FAM177B: variants seen among roughly 807,000 people sequenced by gnomAD.
The protein encoded by FAM177B is family with sequence similarity 177 member B.
Under a neutral mutation model 16.1 loss-of-function variants are expected in FAM177B, and 16 were observed. That is an observed-to-expected ratio of 0.99 (90% CI 0.67 to 1.51). The LOEUF (loss-of-function observed/expected upper bound fraction) is 1.51, where lower values mean the gene tolerates loss of function less well. Ranked by LOEUF, FAM177B falls within the 40% of genes most tolerant of loss-of-function variation. The probability of loss-of-function intolerance (pLI) is 0.00; values close to 1 mark genes in which losing one functional copy is unlikely to be tolerated. For missense variants in FAM177B, 178 were observed against 183.7 expected (o/e 0.97, Z 0.18); for synonymous variants, 56 against 59.9 (o/e 0.93, Z 0.30).
intron 2 of FAM177B, chr1:222,742,430 C>T (rs1372140581): frequency 2.0e-5 from 3 of 151,008 alleles, no homozygotes; most frequent in East Asian, 1.9e-4. Flanking sequence ...TATCTAAAAC[C>T]ACACATAAAC....
intron 2 of FAM177B, chr1:222,739,904 T>C (rs1355316252): frequency 6.6e-6 from 1 of 152,260 alleles, no homozygotes; most frequent in Non-Finnish European, 1.5e-5. Context: ...ATGGCACTGA[T>C]AGTATTTATT....
intron 2 of FAM177B, 97 bp from the exon 3 acceptor site, chr1:222,746,434 C>T: frequency 4.6e-6 from 3 of 645,756 alleles, no homozygotes; most frequent in East Asian, 2.7e-5. Context: ...GGTGTGATTA[C>T]CTCTGAGTTC....
intron 2 of FAM177B, among the ~76,000 whole-genome samples, chr1:222,741,260 C>T (rs987904746): frequency 3.3e-5 from 5 of 151,560 alleles, no homozygotes; most frequent in African/African-American, 7.3e-5. Flanking sequence ...GACGGGTTTT[C>T]GCCATGTTGG....
At chr1:222,746,445 T>C (rs1658800303) in intron 2 of FAM177B, 86 bp from the exon 3 acceptor site, 2 of 709,368 alleles carry the variant, frequency 2.8e-6, no homozygotes, top group Non-Finnish European at 4.7e-6. Flanking sequence ...CTCTGAGTTC[T>C]CTGTCTTTAC....
In FAM177B at chr1:222,747,043, G is replaced by T; in HGVS notation, c.203G>T (p.Arg68Leu). The change falls in exon 4 of 6, where the codon CGA (arginine) becomes CTA (leucine). Residue 68 changes from arginine (R) to leucine (L), a missense_variant. Transcript: ENST00000445590. ...AAACTTTCCTGGGGGCCCTACCTAC[G>T]ATTTTGGGCAGGACGAATAGCAAGC... Reference protein sequence around the residue: ...PSKLSWGPYLRFWAGRIASTS... With the variant: ...PSKLSWGPYLLFWAGRIASTS... 3 of 1,612,364 alleles carry T rather than the reference G, an allele frequency of 1.9e-6. No homozygotes were observed. The highest frequency in any genetic ancestry group is 1.3e-5 in the African/African-American group (1 of 74,934).
At chr1:222,747,154 G>A (rs767835729) in intron 4 of FAM177B, 73 bp downstream of exon 4, 14 of 1,028,928 alleles carry the variant, frequency 1.4e-5, no homozygotes, top group Non-Finnish European at 2.2e-5. Context: ...GAGTATGTGG[G>A]ACTTCCAATT....
Position 222,746,624 on chromosome 1 carries a change from C to T in FAM177B, c.79C>T (p.His27Tyr). The T allele has an allele frequency of 3.1e-6, 5 of 1,612,306 alleles. No individual in the cohort carries two copies. The highest frequency in any genetic ancestry group is 4.2e-6 in the Non-Finnish European group (5 of 1,178,416). Residue 27 changes from histidine (H) to tyrosine (Y), a missense_variant, in exon 3 of 6, where the codon CAT (histidine) becomes TAT (tyrosine). His to Tyr is a moderately conservative substitution (Grantham distance 83, BLOSUM62 2). Transcript: ENST00000445590. ...AAAGACTACTCCTAAAAGGATTATC[C>T]ATTTTGTTGACGGAGACATCATGGA... ...SKKTTPKRII[H>Y]FVDGDIMEEY...
intron 2 of FAM177B, among the ~76,000 whole-genome samples, chr1:222,740,112 C>T (rs552363989): frequency 1.3e-5 from 2 of 152,292 alleles, no homozygotes; most frequent in South Asian, 4.1e-4. Context: ...AGGGCAGATA[C>T]CACATCACCT....
intron 2 of FAM177B, among the ~76,000 whole-genome samples, chr1:222,741,248 T>C (rs925038714): frequency 6.6e-6 from 1 of 151,436 alleles, no homozygotes; most frequent in African/African-American, 2.4e-5. Flanking sequence ...TTTTTTAGTA[T>C]AGACGGGTTT....
At chr1:222,746,504 T>C (rs1658802155) in intron 2 of FAM177B, 27 bp from the exon 3 acceptor site, 1 of 1,420,144 alleles carries the variant, frequency 7.0e-7, no homozygotes, top group Non-Finnish European at 9.7e-7. Context: ...TAACTTGCCC[T>C]AAGGTGCCCT....
At position 222,750,596 on chromosome 1, in the gene FAM177B, C is replaced by A; in HGVS notation, c.*538C>A. Reference sequence around the variant, plus strand: ...AATAACTGTGTTACAAGATCATTATCAAGATCTTTAAGAATTAGGTACATC... The same window carrying A: ...AATAACTGTGTTACAAGATCATTATAAAGATCTTTAAGAATTAGGTACATC... On this transcript the variant is annotated 3_prime_UTR_variant, in exon 6 of 6. Transcript: ENST00000445590. The A allele has an allele frequency of 3.3e-6, 3 of 922,000 alleles. No homozygotes were observed. Among genetic ancestry groups the A allele is most frequent in the Non-Finnish European group, 3.9e-6 (3 of 772,388 alleles). The allele number at this position is 922,000 out of a possible 1,614,324, so 57.1% of individuals were successfully genotyped here. A position where few individuals can be genotyped will look rare whatever the true frequency, so the allele number is the denominator to read the frequency against.
rs1215990644 is a variant in FAM177B, at chr1:222,746,612, A to G, written c.67A>G (p.Lys23Glu). Reference protein sequence around the residue: ...KSVPSKKTTPKRIIHFVDGDI... With the variant: ...KSVPSKKTTPERIIHFVDGDI... ...TGTACCTTCCAAAAAGACTACTCCT[A>G]AAAGGATTATCCATTTTGTTGACGG... The change falls in exon 3 of 6, where the codon AAA becomes GAA. Residue 23 changes from lysine to glutamate, a missense_variant. By Grantham distance (56) the Lys-to-Glu change is moderately conservative. Transcript: ENST00000445590. 3.7e-6 allele frequency: 6 copies of G among 1,611,248 alleles called. No homozygotes were observed. The South Asian group carries it at 4.4e-5, about 12-fold the overall frequency.
At chr1:222,747,198 A>G in intron 4 of FAM177B, 117 bp downstream of exon 4, 1 of 725,114 alleles carries the variant, frequency 1.4e-6, no homozygotes, top group South Asian at 1.6e-5. Context: ...TGAATAAGTG[A>G]GATCTGGGCT....
At position 222,750,380 on chromosome 1, in the gene FAM177B, T is replaced by C. The variant is rs1341819405; in HGVS notation, c.*322T>C. On this transcript the variant is annotated 3_prime_UTR_variant, in exon 6 of 6. Coordinates refer to ENST00000445590, the MANE Select transcript of FAM177B (RefSeq NM_001394345.1). ...GTAGCATAAATGCCTTAAGGAACTT[T>C]GGGACTGGGAGTTTTTGGCTGAAAT... 2 of 1,053,870 alleles carry C rather than the reference T, an allele frequency of 1.9e-6. No homozygotes were observed. Among genetic ancestry groups the C allele is most frequent in the African/African-American group, 3.4e-5 (2 of 59,328 alleles). 65.3% of individuals were successfully genotyped at this position (1,053,870 alleles called of 1,614,324 possible).
chr1:222,748,810 A>G (rs1658915747), intron 4 of FAM177B, among the ~76,000 whole-genome samples: 1 of 152,228 alleles, frequency 6.6e-6, no homozygotes, highest in South Asian at 2.1e-4. Flanking sequence ...AGGTAGAATG[A>G]GTCAGAGGAA....
At chr1:222,748,461 G>T (rs796761221) in intron 4 of FAM177B, among the ~76,000 whole-genome samples, 1 of 152,284 alleles carries the variant, frequency 6.6e-6, no homozygotes, top group African/African-American at 2.4e-5. Flanking sequence ...AAACAGAACT[G>T]CAGTGGTAAA....
intron 2 of FAM177B, among the ~76,000 whole-genome samples, chr1:222,739,158 A>G (rs774335278): frequency 3.3e-5 from 5 of 152,204 alleles, no homozygotes; most frequent in Non-Finnish European, 7.3e-5. Context: ...GAATTTGGAC[A>G]GTCTTAAGAG....
intron 2 of FAM177B, among the ~76,000 whole-genome samples, chr1:222,742,033 T>C (rs961993113): frequency 1.3e-5 from 2 of 150,894 alleles, no homozygotes; most frequent in Non-Finnish European, 2.9e-5. Flanking sequence ...TTAAAACTCA[T>C]GGCCTCAAGT....
intron 4 of FAM177B, chr1:222,749,227 T>G (rs1658939144): frequency 4.2e-6 from 2 of 472,558 alleles, no homozygotes; most frequent in Non-Finnish European, 3.9e-6. Flanking sequence ...TATATACATC[T>G]GGAAAAAATA....
Sources: gnomAD v4.1 joint callset for allele counts (sites outside exome capture counted in the v4.1 genomes callset) on GRCh38, gnomAD v4.1.1 for gene constraint, MANE v1.5 for transcripts, NCBI Gene and HGNC (gene_info 2026-07-23, HGNC 2026-07-21) for gene names.